Variants in LDLRAD4 observed in about 807,000 individuals in gnomAD.
LDLRAD4 encodes the protein low-density lipoprotein receptor class A domain-containing protein 4.
A neutral mutation model predicts 17.0 loss-of-function variants in LDLRAD4; 5 were observed. The observed-to-expected ratio is 0.29, with a 90% CI of 0.15 to 0.62. The LOEUF is 0.62. Among genes scored for constraint, LDLRAD4 ranks in the 20% least tolerant of loss-of-function variants. The pLI is 0.84. For synonymous variants in LDLRAD4, 168 were observed against 171.8 expected (o/e 0.98, Z 0.17); for missense variants, 340 against 424.7 (o/e 0.80, Z 1.75).
At position 13,402,753 on chromosome 18, in the gene LDLRAD4, G is replaced by A. The variant is rs115049443; in HGVS notation, c.40+14991G>A. 5.9e-3 allele frequency among the ~76,000 whole-genome samples: 898 copies of A among 152,260 alleles called. 8 individuals carry two copies. Among genetic ancestry groups the A allele is most frequent in the African/African-American group, 0.02 (844 of 41,532 alleles). ...TTCCATCATTCAAATTCCAAATTGC[G>A]AAAACCAAAGAAAGTTGAATGGATA... On this transcript the variant is annotated intron_variant, in intron 2 of 5. Coordinates refer to ENST00000359446, the Ensembl canonical transcript of LDLRAD4.
At chr18:13,233,804 T>C (rs2042199336) in intron 1 of LDLRAD4, among the ~76,000 whole-genome samples, 1 of 152,050 alleles carries the variant, frequency 6.6e-6, no homozygotes, top group South Asian at 2.1e-4. Context: ...CTCCTACACC[T>C]ACCTGCCTAC....
chr18:13,618,929 G>C (rs577238723), intron 3 of LDLRAD4, among the ~76,000 whole-genome samples: 1 of 152,240 alleles, frequency 6.6e-6, no homozygotes, highest in Non-Finnish European at 1.5e-5. Flanking sequence ...GCTTATCCCT[G>C]GGCTGGTGGC....
At chr18:13,459,513 G>C (rs1013718123) in intron 3 of LDLRAD4, among the ~76,000 whole-genome samples, 1 of 151,920 alleles carries the variant, frequency 6.6e-6, no homozygotes, top group African/African-American at 2.4e-5. Flanking sequence ...CTCCCAAGTA[G>C]CTGGAATTAT....
chr18:13,620,904 C>T (rs919805110), intron 3 of LDLRAD4: 13 of 633,404 alleles, frequency 2.1e-5, no homozygotes, highest in East Asian at 5.3e-5. Context: ...AGAGGCTTCC[C>T]GCTCCCCGCA....
At chr18:13,494,599 GC>G (rs2093421477) in intron 3 of LDLRAD4, among the ~76,000 whole-genome samples, 1 of 83,976 alleles carries the variant, frequency 1.2e-5, no homozygotes, top group Non-Finnish European at 2.6e-5. Context: ...GATCCCTTGA[GC>G]CCCAGGAGAC....
Position 13,260,936 on chromosome 18 carries a change from C to T in LDLRAD4, c.-466-17169C>T, listed in dbSNP as rs190924530. ...GGGCTGGGATTCAGAGCAGGGCTCA[C>T]TTTTCTTCCATTTGTTGGGACTAAT... On this transcript the variant is annotated intron_variant, in intron 1 of 5. Transcript: ENST00000399848. 1.9e-4 allele frequency among the ~76,000 whole-genome samples: 29 copies of T among 152,368 alleles called. No homozygotes were observed. The East Asian group carries it at 4.2e-3, about 22-fold the overall frequency.
exon 6 of LDLRAD4, chr18:13,647,902 G>A (rs796589662): frequency 1.2e-4 from 19 of 152,354 alleles, no homozygotes; most frequent in African/African-American, 4.6e-4. Flanking sequence ...CTTGGGGCCA[G>A]AAGGACCCTC....
chr18:13,369,695 C>G (rs2084319262), intron 1 of LDLRAD4, among the ~76,000 whole-genome samples: 1 of 152,164 alleles, frequency 6.6e-6, no homozygotes, highest in South Asian at 2.1e-4. Context: ...CACTGCAGCA[C>G]CTTGGATAAA....
At chr18:13,400,281 G>A (rs2087059685) in intron 2 of LDLRAD4, among the ~76,000 whole-genome samples, 1 of 152,236 alleles carries the variant, frequency 6.6e-6, no homozygotes, top group Non-Finnish European at 1.5e-5. Context: ...AGGGAATCAT[G>A]CAAGGTGGGA....
At chr18:13,412,681 T>A (rs1003622601) in intron 2 of LDLRAD4, among the ~76,000 whole-genome samples, 1 of 152,242 alleles carries the variant, frequency 6.6e-6, no homozygotes, top group Admixed American at 6.5e-5. Flanking sequence ...AGAAAAGGAT[T>A]TGTTTACCTG....
intron 3 of LDLRAD4, among the ~76,000 whole-genome samples, chr18:13,593,030 A>G (rs1487203653): frequency 6.6e-6 from 1 of 152,238 alleles, no homozygotes; most frequent in South Asian, 2.1e-4. Context: ...TAAAAAATCC[A>G]GTCTTGGCTG....
At chr18:13,387,557 C>T in exon 2 of LDLRAD4, 1 of 637,502 alleles carries the variant, frequency 1.6e-6, no homozygotes, top group South Asian at 1.8e-5. Flanking sequence ...CAGGTACCGC[C>T]CGCCCGCGCG....
chr18:13,264,369 G>A (rs112241670), intron 1 of LDLRAD4, among the ~76,000 whole-genome samples: 12 of 152,398 alleles, frequency 7.9e-5, no homozygotes, highest in African/African-American at 2.6e-4. Flanking sequence ...AAGGGTGTCT[G>A]CAGACCGTTA....
chr18:13,405,094 G>A (rs902010365), intron 2 of LDLRAD4, among the ~76,000 whole-genome samples: 1 of 151,420 alleles, frequency 6.6e-6, no homozygotes, highest in Non-Finnish European at 1.5e-5. Flanking sequence ...TAAACAGAAG[G>A]TAGTAATGAT....
intron 2 of LDLRAD4, among the ~76,000 whole-genome samples, chr18:13,400,207 G>T (rs1568101145): frequency 6.6e-6 from 1 of 152,144 alleles, no homozygotes; most frequent in Non-Finnish European, 1.5e-5. Context: ...GCTTCTTTGG[G>T]GCAGCTCATC....
chr18:13,453,109 A>G (rs1336303251), intron 3 of LDLRAD4, among the ~76,000 whole-genome samples: 1 of 152,210 alleles, frequency 6.6e-6, no homozygotes, highest in Non-Finnish European at 1.5e-5. Flanking sequence ...AAATGCAGGA[A>G]TCACAGGGAC....
chr18:13,608,824 G>A (rs778786135), intron 3 of LDLRAD4, among the ~76,000 whole-genome samples: 20 of 152,280 alleles, frequency 1.3e-4, no homozygotes, highest in Non-Finnish European at 2.5e-4. Flanking sequence ...GACTGTAAAC[G>A]CTCAGGTAAA....
At chr18:13,458,798 A>T (rs528067196) in intron 3 of LDLRAD4, among the ~76,000 whole-genome samples, 49 of 152,380 alleles carry the variant, frequency 3.2e-4, no homozygotes, top group African/African-American at 1.2e-3. Flanking sequence ...AAGAGAGATC[A>T]GAGCCATGCC....
In LDLRAD4 at chr18:13,638,255, A is replaced by G. The variant is rs145716697; in HGVS notation, c.337-5104A>G. On this transcript the variant is annotated intron_variant, in intron 4 of 5. Coordinates refer to ENST00000359446, the Ensembl canonical transcript of LDLRAD4. ...TGTGCTGCTCTCCAGCCTGGGCAAC[A>G]TAGACTTTGTCTCTTAAAAAATAAT... Among the ~76,000 whole-genome samples the G allele has an allele frequency of 5.9e-3, 906 of 152,322 alleles. 10 individuals are homozygous for G. The highest frequency in any genetic ancestry group is 0.033 in the South Asian group (157 of 4,820).
Sources: gnomAD v4.1 joint callset for allele counts (sites outside exome capture counted in the v4.1 genomes callset) on GRCh38, gnomAD v4.1.1 for gene constraint, MANE v1.5 for transcripts, NCBI Gene and HGNC (gene_info 2026-07-23, HGNC 2026-07-21) for gene names.